FAT4: variants seen among roughly 807,000 people sequenced by gnomAD.
FAT4 encodes the protein FAT atypical cadherin 4.
A neutral mutation model predicts 303.9 loss-of-function variants in FAT4; 84 were observed. The observed-to-expected ratio is 0.28, with a 90% CI of 0.23 to 0.33. The LOEUF (loss-of-function observed/expected upper bound fraction) is 0.33. Ranked by LOEUF, FAT4 falls within the 10% of genes least tolerant of loss-of-function variation. The pLI is 1.00. For synonymous variants in FAT4, 2,307 were observed against 2,298.8 expected (o/e 1.00, Z -0.10); for missense variants, 6,005 against 6,146.8 (o/e 0.98, Z 0.77).
At chr4:125,437,275 A>C (rs1725487058) in intron 8 of FAT4, among the ~76,000 whole-genome samples, 1 of 152,112 alleles carries the variant, frequency 6.6e-6, no homozygotes, top group Non-Finnish European at 1.5e-5. Context: ...GGAATTCTCC[A>C]ACACTTTAAA....
rs1727557813 is a variant in FAT4 at position 125,490,010 on chromosome 4, T to C, written c.13194T>C (p.Ile4398=). Residue 4398 remains isoleucine, a synonymous_variant, in exon 18 of 18, where the codon ATT becomes ATC. Coordinates refer to ENST00000394329, the MANE Select transcript of FAT4 (RefSeq NM_001291303.3). The part of the protein sequence containing the change: ...SISKTDPSVK[I]GCRGPNICAS... ...CAAAAACAGATCCCTCAGTGAAGAT[T>C]GGCTGCCGTGGCCCGAACATTTGTG... 7 of 1,613,954 alleles carry C rather than the reference T, an allele frequency of 4.3e-6. No individual in the cohort carries two copies. Among genetic ancestry groups the C allele is most frequent in the Admixed American group, 1.7e-5 (1 of 59,992 alleles).
intron 3 of FAT4, among the ~76,000 whole-genome samples, chr4:125,400,339 T>C (rs1193880276): frequency 6.6e-6 from 1 of 151,976 alleles, no homozygotes; most frequent in Admixed American, 6.6e-5. Context: ...AATTTAGTTG[T>C]TTTAATCATC....
At chr4:125,342,697 A>G (rs561867357) in intron 2 of FAT4, among the ~76,000 whole-genome samples, 1 of 151,640 alleles carries the variant, frequency 6.6e-6, no homozygotes, top group Non-Finnish European at 1.5e-5. Flanking sequence ...AGACGTCATC[A>G]TATATGTTTG....
Position 125,315,368 on chromosome 4 carries a change from C to T in FAT4, c.-622C>T, listed in dbSNP as rs914866284. 1.3e-5 allele frequency among the ~76,000 whole-genome samples: 2 copies of T among 152,100 alleles called. No individual in the cohort carries two copies. The highest frequency in any genetic ancestry group is 2.9e-5 in the Non-Finnish European group (2 of 68,022). On this transcript the variant is annotated 5_prime_UTR_variant, in exon 1 of 18. The change creates a new upstream start codon in the 5' untranslated region. Coordinates refer to ENST00000394329, the MANE Select transcript of FAT4 (RefSeq NM_001291303.3). ...TGTGGATTACAAAGTGAAACTGACA[C>T]GGGACAATAAAAGCAGAGATAGCGA...
chr4:125,344,603 G>T (rs919275921), intron 2 of FAT4, among the ~76,000 whole-genome samples: 1 of 152,116 alleles, frequency 6.6e-6, no homozygotes, highest in African/African-American at 2.4e-5. Context: ...TAACCAAATA[G>T]TATCTGTGAT....
intron 2 of FAT4, among the ~76,000 whole-genome samples, chr4:125,382,726 C>A (rs887642186): frequency 2.6e-5 from 4 of 152,222 alleles, no homozygotes; most frequent in African/African-American, 9.6e-5. Flanking sequence ...TCCTCTATAG[C>A]TATGAATGTC....
intron 2 of FAT4, among the ~76,000 whole-genome samples, chr4:125,381,625 T>A (rs1733546344): frequency 6.6e-6 from 1 of 152,198 alleles, no homozygotes; most frequent in Admixed American, 6.5e-5. Flanking sequence ...TACCTTAATG[T>A]TGATGGCTGC....
rs1727648576 is a variant in FAT4 at position 125,491,591 on chromosome 4, G to A, written c.14775G>A (p.Gln4925=). ...ACACACTGCCCATGAAGCTAGGGCAGCAAGCAGGGACTTTCAACTGGGACA... is the reference window on the plus strand; with the variant it reads ...ACACACTGCCCATGAAGCTAGGGCAACAAGCAGGGACTTTCAACTGGGACA... ...ADNTLPMKLG[Q]QAGTFNWDNL... is the part of the protein sequence containing the mutation. Residue 4925 remains glutamine (Q), a synonymous_variant, in exon 18 of 18, where the codon CAG becomes CAA. Coordinates refer to ENST00000394329, the MANE Select transcript of FAT4 (RefSeq NM_001291303.3). The A allele has an allele frequency of 6.2e-7, 1 of 1,614,198 alleles. No individual in the cohort carries two copies. Among genetic ancestry groups the A allele is most frequent in the Non-Finnish European group, 8.5e-7 (1 of 1,180,024 alleles).
intron 8 of FAT4, among the ~76,000 whole-genome samples, chr4:125,439,541 G>A (rs972068860): frequency 2.0e-5 from 3 of 150,956 alleles, no homozygotes; most frequent in African/African-American, 4.9e-5. Context: ...GGGTTTCACC[G>A]TGTTAGCCAG....
intron 8 of FAT4, among the ~76,000 whole-genome samples, chr4:125,437,386 T>G (rs1725496639): frequency 6.6e-6 from 1 of 152,090 alleles, no homozygotes; most frequent in Admixed American, 6.6e-5. Flanking sequence ...ACAGAGGAAA[T>G]GCAGGACAGA....
chr4:125,344,884 A>C (rs1470765074), intron 2 of FAT4, among the ~76,000 whole-genome samples: 1 of 151,956 alleles, frequency 6.6e-6, no homozygotes, highest in East Asian at 1.9e-4. Flanking sequence ...TGGGTCCTCC[A>C]TGTCTTACAG....
At chr4:125,382,028 T>C (rs1733561085) in intron 2 of FAT4, among the ~76,000 whole-genome samples, 1 of 152,200 alleles carries the variant, frequency 6.6e-6, no homozygotes. Context: ...TTGGCTCTAC[T>C]TCTAATTCTA....
Position 125,406,974 on chromosome 4 carries a change from G to A in FAT4, c.5402G>A (p.Arg1801Gln), listed in dbSNP as rs753037535. The change falls in exon 4 of 18, where the codon CGG (arginine) becomes CAG (glutamine). Residue 1801 changes from arginine to glutamine, a missense_variant. Coordinates refer to ENST00000394329, the MANE Select transcript of FAT4 (RefSeq NM_001291303.3). ...PESGDLIATR[R>Q]LDRERRSKYS... is the part of the protein sequence containing the mutation. ...TCCGGAGATCTGATAGCAACCAGGC[G>A]GTTGGACAGGGAACGCCGCTCCAAA... 3.0e-5 allele frequency: 48 copies of A among 1,613,658 alleles called. No homozygotes were observed. Among genetic ancestry groups the A allele is most frequent in the South Asian group, 5.5e-5 (5 of 91,074 alleles).
Position 125,488,966 on chromosome 4 carries a change from AAAAAG to A in FAT4, c.13085-928_13085-924del, listed in dbSNP as rs1727506364. On this transcript the variant is annotated intron_variant, in intron 17 of 17. Coordinates refer to ENST00000394329, the MANE Select transcript of FAT4 (RefSeq NM_001291303.3). ...GGAAGAAAATCAGGAGTATAGGAAC[AAAAAG>A]AAAAGATGTCACAAAAGCTCATGGA... 2.6e-5 allele frequency among the ~76,000 whole-genome samples: 4 copies of A among 152,328 alleles called. No homozygotes were observed. In the South Asian group the frequency reaches 8.3e-4, roughly 32 times the overall value.
In FAT4 at chr4:125,452,800, T is replaced by C; in HGVS notation, c.11790T>C (p.Thr3930=). The C allele has an allele frequency of 6.2e-7, 1 of 1,610,462 alleles. No individual in the cohort carries two copies. The highest frequency in any genetic ancestry group is 8.5e-7 in the Non-Finnish European group (1 of 1,177,902). ...GAAGCTTCAACTGTGTTTGCAAAACTGGATACACAGGTATGACAACGTTTG... is the reference window on the plus strand; with the variant it reads ...GAAGCTTCAACTGTGTTTGCAAAACCGGATACACAGGTATGACAACGTTTG... ...FPGSFNCVCK[T]GYTGKMCESS... Residue 3930 remains threonine (T), a synonymous_variant, in exon 10 of 18, where the codon ACT becomes ACC. Coordinates refer to ENST00000394329, the MANE Select transcript of FAT4 (RefSeq NM_001291303.3).
Position 125,434,223 on chromosome 4 carries a change from CTT to C in FAT4, c.7019-21_7019-20del. ...TATTTTTTGTTTATAAACATTGAGACTTGATTTTCTTTTCTTTTTAGGATCCC... is the reference window on the plus strand; with the variant it reads ...TATTTTTTGTTTATAAACATTGAGACGATTTTCTTTTCTTTTTAGGATCCC... On this transcript the variant is annotated intron_variant, in intron 7 of 17. Transcript: ENST00000394329. 3 of 1,600,034 alleles carry C rather than the reference CTT, an allele frequency of 1.9e-6. No individual in the cohort carries two copies. Among genetic ancestry groups the C allele is most frequent in the Non-Finnish European group, 2.6e-6 (3 of 1,172,062 alleles).
At position 125,490,023 on chromosome 4, in the gene FAT4, C is replaced by T. The variant is rs752613096; in HGVS notation, c.13207C>T (p.Pro4403Ser). The T allele has an allele frequency of 1.2e-6, 2 of 1,613,864 alleles. No homozygotes were observed. Among genetic ancestry groups the T allele is most frequent in the Non-Finnish European group, 8.5e-7 (1 of 1,179,958 alleles). Residue 4403 changes from proline to serine, a missense_variant, in exon 18 of 18, where the codon CCG (proline) becomes TCG (serine). Transcript: ENST00000394329. Reference sequence around the variant, plus strand: ...CTCAGTGAAGATTGGCTGCCGTGGCCCGAACATTTGTGCCAGCAACCCCTG... The same window carrying T: ...CTCAGTGAAGATTGGCTGCCGTGGCTCGAACATTTGTGCCAGCAACCCCTG... The part of the protein sequence containing the change: ...DPSVKIGCRG[P>S]NICASNPCWG...
chr4:125,330,083 C>T (rs1731318659), intron 2 of FAT4, among the ~76,000 whole-genome samples: 1 of 152,178 alleles, frequency 6.6e-6, no homozygotes, highest in Non-Finnish European at 1.5e-5. Flanking sequence ...CTTGGCTTTA[C>T]CTACACTGGC....
intron 7 of FAT4, among the ~76,000 whole-genome samples, chr4:125,417,543 A>T (rs930534602): frequency 7.2e-5 from 11 of 152,184 alleles, no homozygotes; most frequent in Non-Finnish European, 1.2e-4. Flanking sequence ...AGAAATATGC[A>T]GATCAGATGT....
Sources: allele counts gnomAD v4.1 joint callset (sites outside exome capture counted in the v4.1 genomes callset), GRCh38; gene constraint gnomAD v4.1.1; transcripts MANE v1.5; gene names NCBI Gene and HGNC (gene_info 2026-07-23, HGNC 2026-07-21).